RHAG: variants seen among roughly 807,000 people sequenced by gnomAD.
The protein encoded by RHAG is ammonium transporter Rh type A.
RHAG carries 25 observed loss-of-function variants against 42.4 expected under a neutral mutation model. That is an observed-to-expected ratio of 0.59 (90% CI 0.43 to 0.82). The LOEUF (loss-of-function observed/expected upper bound fraction) is 0.82. Among genes scored for constraint, RHAG ranks in the 40% least tolerant of loss-of-function variants. The pLI, the probability that RHAG is intolerant of heterozygous loss-of-function variation, is 0.00. For synonymous variants in RHAG, 182 were observed against 177.7 expected (o/e 1.02, Z -0.19); for missense variants, 483 against 504.6 (o/e 0.96, Z 0.41).
intron 7 of RHAG, among the ~76,000 whole-genome samples, chr6:49,610,671 G>C (rs1397905096): frequency 6.6e-6 from 1 of 152,048 alleles, no homozygotes. Flanking sequence ...GGAACTGACT[G>C]TTCAGCTCAT....
At chr6:49,621,441 G>C (rs527636213) in intron 1 of RHAG, among the ~76,000 whole-genome samples, 49 of 152,064 alleles carry the variant, frequency 3.2e-4, no homozygotes, top group African/African-American at 1.2e-3. Flanking sequence ...CCTCCTGAAG[G>C]GTCAGCTGAG....
chr6:49,609,342 C>A (rs772666000), intron 7 of RHAG, among the ~76,000 whole-genome samples: 1 of 152,104 alleles, frequency 6.6e-6, no homozygotes, highest in Non-Finnish European at 1.5e-5. Flanking sequence ...AATGTCTGAC[C>A]TCCCAGTGAG....
At chr6:49,616,070 A>C (rs937811374) in intron 3 of RHAG, among the ~76,000 whole-genome samples, 5 of 152,192 alleles carry the variant, frequency 3.3e-5, no homozygotes, top group African/African-American at 1.2e-4. Context: ...AATATTACCC[A>C]CTCTCAACAG....
intron 7 of RHAG, among the ~76,000 whole-genome samples, chr6:49,607,801 G>A (rs192453616): frequency 1.3e-5 from 2 of 152,282 alleles, no homozygotes; most frequent in Admixed American, 6.5e-5. Flanking sequence ...AAATGACCTG[G>A]GAATGTGGGG....
rs1159748945 is a variant in RHAG at position 49,614,803 on chromosome 6, C to T, written c.691G>A (p.Glu231Lys). 2 of 1,614,150 alleles carry T rather than the reference C, an allele frequency of 1.2e-6. No homozygotes were observed. Among genetic ancestry groups the T allele is most frequent in the Admixed American group, 3.3e-5 (2 of 60,026 alleles). The change falls in exon 5 of 10, where the codon GAA becomes AAA. Residue 231 changes from glutamate to lysine, a missense_variant. Transcript: ENST00000371175. ...GCCCTGCACTGTTTGTCTCCAGGTT[C>T]AGCAATGGCCGAGTTAAAGCTGGGC... The part of the protein sequence containing the change: ...FWPSFNSAIA[E>K]PGDKQCRAIV...
chr6:49,620,773 T>C (rs911381055), intron 1 of RHAG, among the ~76,000 whole-genome samples: 1 of 152,140 alleles, frequency 6.6e-6, no homozygotes, highest in African/African-American at 2.4e-5. Context: ...TCAGGTGATC[T>C]GCCCACCTCG....
intron 8 of RHAG, 95 bp from the exon 9 acceptor site, chr6:49,607,016 T>C: frequency 8.3e-7 from 1 of 1,204,450 alleles, no homozygotes; most frequent in Non-Finnish European, 1.2e-6. Context: ...ATCATCCCCT[T>C]TAAATGACAT....
intron 3 of RHAG, 74 bp from the exon 4 acceptor site, chr6:49,615,845 G>T: frequency 7.0e-7 from 1 of 1,424,304 alleles, no homozygotes; most frequent in Non-Finnish European, 9.9e-7. Context: ...GTCAATGAAA[G>T]AATTGCATTG....
At chr6:49,607,978 T>A (rs139546856) in intron 7 of RHAG, among the ~76,000 whole-genome samples, 402 of 152,244 alleles carry the variant, frequency 2.6e-3, no homozygotes, top group African/African-American at 9.2e-3. Flanking sequence ...TTTTTTTTTC[T>A]CCTTATCTGA....
chr6:49,617,164 C>G (rs1031235629), intron 3 of RHAG, among the ~76,000 whole-genome samples: 1 of 152,134 alleles, frequency 6.6e-6, no homozygotes, highest in African/African-American at 2.4e-5. Flanking sequence ...ATCACCAATT[C>G]AAGACTGGTT....
chr6:49,610,968 A>T, intron 7 of RHAG, 56 bp downstream of exon 7: 1 of 1,608,204 alleles, frequency 6.2e-7, no homozygotes, highest in Non-Finnish European at 8.5e-7. Context: ...CATTTCTCAG[A>T]GTGAGAGAAA....
At chr6:49,625,657 A>G (rs751415807) in intron 1 of RHAG, among the ~76,000 whole-genome samples, 6 of 152,170 alleles carry the variant, frequency 3.9e-5, no homozygotes, top group Non-Finnish European at 7.3e-5. Context: ...CATCTCATTC[A>G]TTAGTAGAGT....
In RHAG at chr6:49,619,169, G is replaced by C; in HGVS notation, c.341+10C>G. On this transcript the variant is annotated intron_variant, in intron 2 of 9. Transcript: ENST00000371175. ...GATGCAAACATTCAGCCCACAGTAA[G>C]GATGCTCACTTTTTGATTCCAATGT... 1 of 1,613,724 alleles carries C rather than the reference G, an allele frequency of 6.2e-7. No individual in the cohort carries two copies. The highest frequency in any genetic ancestry group is 1.7e-4 in the Middle Eastern group (1 of 6,058).
At position 49,605,773 on chromosome 6, in the gene RHAG, G is replaced by A; in HGVS notation, c.*40C>T. The A allele has an allele frequency of 1.9e-6, 3 of 1,595,468 alleles. No individual in the cohort carries two copies. Among genetic ancestry groups the A allele is most frequent in the South Asian group, 2.2e-5 (2 of 90,742 alleles). ...AATGGTGTTTAGACTTCAGGTTCCA[G>A]CTGGCTGTGGTCACCATGTCCATGG... On this transcript the variant is annotated 3_prime_UTR_variant, in exon 10 of 10. Coordinates refer to ENST00000371175, the MANE Select transcript of RHAG (RefSeq NM_000324.3).
At chr6:49,620,544 G>T (rs185669404) in intron 1 of RHAG, among the ~76,000 whole-genome samples, 3,688 of 144,154 alleles carry the variant, frequency 0.026, 76 homozygotes, top group Non-Finnish European at 0.035. Flanking sequence ...TCTTTTTTTG[G>T]GGGGGGAGAC....
intron 1 of RHAG, among the ~76,000 whole-genome samples, chr6:49,621,410 T>A (rs1036477323): frequency 7.2e-5 from 11 of 152,168 alleles, no homozygotes; most frequent in African/African-American, 2.7e-4. Context: ...CACCTAAAAC[T>A]GGATAATCCT....
At chr6:49,618,601 C>T (rs1204989500) in intron 2 of RHAG, among the ~76,000 whole-genome samples, 2 of 152,160 alleles carry the variant, frequency 1.3e-5, no homozygotes, top group African/African-American at 2.4e-5. Flanking sequence ...GAGGGTTTCT[C>T]ATATCCTCAA....
intron 1 of RHAG, among the ~76,000 whole-genome samples, chr6:49,624,477 T>C (rs1562017768): frequency 6.6e-6 from 1 of 152,210 alleles, no homozygotes; most frequent in South Asian, 2.1e-4. Context: ...AGTGCTGGGA[T>C]TACAGGCATG....
chr6:49,609,747 A>G (rs1762539834), intron 7 of RHAG, among the ~76,000 whole-genome samples: 1 of 152,234 alleles, frequency 6.6e-6, no homozygotes, highest in Non-Finnish European at 1.5e-5. Flanking sequence ...TTAAATTTTA[A>G]TCTGCTAAAA....
Sources: gnomAD v4.1 joint callset for allele counts (sites outside exome capture counted in the v4.1 genomes callset) on GRCh38, gnomAD v4.1.1 for gene constraint, MANE v1.5 for transcripts, NCBI Gene and HGNC (gene_info 2026-07-23, HGNC 2026-07-21) for gene names.